CRISPLD2: variants seen among roughly 807,000 people sequenced by gnomAD.
The protein encoded by CRISPLD2 is cysteine rich secretory protein LCCL domain containing 2.
Under a neutral mutation model 71.1 loss-of-function variants are expected in CRISPLD2, and 47 were observed. The ratio of observed to expected loss-of-function variants is 0.66; its 90% confidence interval spans 0.52 to 0.84. The LOEUF (loss-of-function observed/expected upper bound fraction) is 0.84, where lower values mean the gene tolerates loss of function less well. Ranked by LOEUF, CRISPLD2 falls within the 40% of genes least tolerant of loss-of-function variation. The probability of loss-of-function intolerance (pLI) is 0.00; values close to 1 mark genes in which losing one functional copy is unlikely to be tolerated. For missense variants in CRISPLD2, 830 were observed against 651.1 expected (o/e 1.27, Z -2.99); for synonymous variants, 317 against 250.1 (o/e 1.27, Z -2.52).
intron 14 of CRISPLD2, among the ~76,000 whole-genome samples, chr16:84,902,358 C>G (rs1567708107): frequency 6.6e-6 from 1 of 151,810 alleles, no homozygotes; most frequent in Non-Finnish European, 1.5e-5. Flanking sequence ...GCCTGTAATT[C>G]CAGCACTTTG....
At chr16:84,838,956 G>A (rs1011906606) in intron 2 of CRISPLD2, 4 of 701,648 alleles carry the variant, frequency 5.7e-6, no homozygotes, top group South Asian at 3.0e-5. Flanking sequence ...TGGCACAATC[G>A]TCATGCCCTG....
chr16:84,899,228 G>A (rs986505482), intron 14 of CRISPLD2, among the ~76,000 whole-genome samples: 5 of 152,070 alleles, frequency 3.3e-5, no homozygotes, highest in African/African-American at 1.2e-4. Flanking sequence ...GTTGTTTAGT[G>A]CTCTTTATGA....
intron 3 of CRISPLD2, among the ~76,000 whole-genome samples, chr16:84,846,530 A>G (rs1916919076): frequency 6.6e-6 from 1 of 152,182 alleles, no homozygotes; most frequent in African/African-American, 2.4e-5. Flanking sequence ...CGGGGATTAC[A>G]GGCATGAGCC....
chr16:84,827,660 G>C (rs1480218632), intron 1 of CRISPLD2, among the ~76,000 whole-genome samples: 1 of 150,252 alleles, frequency 6.7e-6, no homozygotes, highest in Non-Finnish European at 1.5e-5. Flanking sequence ...TTCACCTCCC[G>C]GATTCAAGCG....
rs370977769 is a variant in CRISPLD2, at chr16:84,902,853, A to C, written c.1440-3735A>C. Among the ~76,000 whole-genome samples, 4 of 136,314 alleles carry C rather than the reference A, an allele frequency of 2.9e-5. No individual in the cohort carries two copies. In the East Asian group the frequency reaches 7.8e-4, roughly 27 times the overall value. 89.4% of individuals were successfully genotyped at this position (136,314 alleles called of 152,430 possible). ...CAGTGGCGTGATCTCGCTCACCGCA[A>C]CCTCCACCTCCTGGGTTCAAGCGAT... On this transcript the variant is annotated intron_variant, in intron 14 of 14. Coordinates refer to ENST00000262424, the MANE Select transcript of CRISPLD2 (RefSeq NM_031476.4).
At chr16:84,892,569 C>A (rs953281063) in intron 14 of CRISPLD2, among the ~76,000 whole-genome samples, 1 of 152,134 alleles carries the variant, frequency 6.6e-6, no homozygotes, top group Non-Finnish European at 1.5e-5. Context: ...GGTGGGTGCT[C>A]ACTGAGACCT....
At chr16:84,840,790 C>T (rs1413680153) in intron 2 of CRISPLD2, among the ~76,000 whole-genome samples, 4 of 152,176 alleles carry the variant, frequency 2.6e-5, no homozygotes, top group Non-Finnish European at 5.9e-5. Flanking sequence ...GATCCACCCA[C>T]CTCAGCCTCC....
chr16:84,852,275 C>A (rs555800200), intron 5 of CRISPLD2, among the ~76,000 whole-genome samples: 13 of 152,320 alleles, frequency 8.5e-5, no homozygotes, highest in African/African-American at 2.6e-4. Flanking sequence ...TAATGAAAGT[C>A]CACGGCAATA....
rs569725982 is a variant in CRISPLD2 at position 84,867,002 on chromosome 16, C to G, written c.815C>G (p.Pro272Arg). The G allele has an allele frequency of 8.1e-6, 13 of 1,614,018 alleles. No individual in the cohort carries two copies. The highest frequency in any genetic ancestry group is 7.7e-5 in the South Asian group (7 of 91,072). ...TGGCTCCAACCGAGGGTGATGAGAC[C>G]CACCAAGCCCAAGAAAACCTCTGCG... The part of the protein sequence containing the change: ...HVWLQPRVMR[P>R]TKPKKTSAVN... Residue 272 changes from proline (P) to arginine (R), a missense_variant, in exon 7 of 15, where the codon CCC becomes CGC. By Grantham distance (103) the Pro-to-Arg change is moderately radical. Coordinates refer to ENST00000262424, the MANE Select transcript of CRISPLD2 (RefSeq NM_031476.4).
Position 84,838,750 on chromosome 16 carries a change from C to A in CRISPLD2, c.240+15C>A. 1 of 1,606,744 alleles carries A rather than the reference C, an allele frequency of 6.2e-7. No individual in the cohort carries two copies. The highest frequency in any genetic ancestry group is 8.5e-7 in the Non-Finnish European group (1 of 1,178,472). On this transcript the variant is annotated intron_variant, in intron 2 of 14. Transcript: ENST00000262424. Reference sequence around the variant, plus strand: ...TGGAGTACATGGTGAGCGCCGGCTCCGGCCGCAGAGGCTGGCACCGGGGGT... The same window carrying A: ...TGGAGTACATGGTGAGCGCCGGCTCAGGCCGCAGAGGCTGGCACCGGGGGT...
chr16:84,872,358 C>A, intron 8 of CRISPLD2, 84 bp from the exon 9 acceptor site: 1 of 1,095,736 alleles, frequency 9.1e-7, no homozygotes, highest in Non-Finnish European at 1.4e-6. Flanking sequence ...GTAATAGAGC[C>A]ATCGATGAAA....
intron 8 of CRISPLD2, among the ~76,000 whole-genome samples, chr16:84,869,750 G>A (rs75348209): frequency 0.017 from 2,595 of 152,384 alleles, 84 homozygotes; most frequent in African/African-American, 0.06. Flanking sequence ...AGGGGCCTCC[G>A]CCGTGTGCAC....
At chr16:84,845,751 T>C in intron 2 of CRISPLD2, 35 bp from the exon 3 acceptor site, 1 of 1,454,992 alleles carries the variant, frequency 6.9e-7, no homozygotes, top group Non-Finnish European at 9.6e-7. Context: ...TCCCTCACCC[T>C]CACCTCCTGG....
intron 12 of CRISPLD2, among the ~76,000 whole-genome samples, chr16:84,878,912 C>T (rs79781065): frequency 1.0e-3 from 154 of 152,288 alleles, no homozygotes; most frequent in Non-Finnish European, 1.7e-3. Flanking sequence ...GTCCCAGGAC[C>T]CTGGGTTGAA....
intron 14 of CRISPLD2, among the ~76,000 whole-genome samples, chr16:84,905,854 C>T (rs1209224302): frequency 6.6e-6 from 1 of 151,502 alleles, no homozygotes; most frequent in Non-Finnish European, 1.5e-5. Context: ...GGATTACAGG[C>T]GCCTGCCACC....
In CRISPLD2 at chr16:84,849,233, C is replaced by T. The variant is rs955070161; in HGVS notation, c.360-152C>T. ...GGGGGCTATTCCGCCTCCTCGGCCTCCCTCCCTCCCGGCTGCCCGTGGCTG... is the reference window on the plus strand; with the variant it reads ...GGGGGCTATTCCGCCTCCTCGGCCTTCCTCCCTCCCGGCTGCCCGTGGCTG... On this transcript the variant is annotated intron_variant, in intron 3 of 14. Coordinates refer to ENST00000262424, the MANE Select transcript of CRISPLD2 (RefSeq NM_031476.4). 6.7e-6 allele frequency: 5 copies of T among 750,726 alleles called. No homozygotes were observed. In the African/African-American group the frequency reaches 6.8e-5, roughly 10 times the overall value. 46.5% of individuals were successfully genotyped at this position (750,726 alleles called of 1,614,324 possible). A position where few individuals can be genotyped will look rare whatever the true frequency, so the allele number is the denominator to read the frequency against.
Position 84,838,381 on chromosome 16 carries a change from T to C in CRISPLD2, c.-74-41T>C, listed in dbSNP as rs534934282. On this transcript the variant is annotated intron_variant, in intron 1 of 14. Coordinates refer to ENST00000262424, the MANE Select transcript of CRISPLD2 (RefSeq NM_031476.4). ...TCCAGCCAGCGCTGTGACCGGCTCC[T>C]ACTAATGCGACTTCTCCCACCACCC... The C allele has an allele frequency of 1.9e-5, 24 of 1,296,754 alleles. 1 individual carries two copies. The South Asian group carries it at 2.7e-4, about 15-fold the overall frequency. The allele number at this position is 1,296,754 out of a possible 1,614,324, so 80.3% of individuals were successfully genotyped here. A position where few individuals can be genotyped will look rare whatever the true frequency, so the allele number is the denominator to read the frequency against.
intron 3 of CRISPLD2, among the ~76,000 whole-genome samples, chr16:84,848,120 C>T (rs575131076): frequency 2.0e-5 from 3 of 152,328 alleles, no homozygotes; most frequent in East Asian, 3.9e-4. Context: ...CATGGCCCCC[C>T]GGGGCAGCCG....
Position 84,872,975 on chromosome 16 carries a change from T to C in CRISPLD2, c.982-17T>C, listed in dbSNP as rs113335623. On this transcript the variant is annotated splice_polypyrimidine_tract_variant and intron_variant, in intron 9 of 14. Coordinates refer to ENST00000262424, the MANE Select transcript of CRISPLD2 (RefSeq NM_031476.4). ...GGTTGAGAATGTGCCTCTGGTCTTC[T>C]CTTCCCTTCCCGCCAGTCGTCTAGC... 1.6e-5 allele frequency: 26 copies of C among 1,599,816 alleles called. No individual in the cohort carries two copies. Among genetic ancestry groups the C allele is most frequent in the African/African-American group, 1.6e-4 (12 of 74,274 alleles).
Sources: allele counts gnomAD v4.1 joint callset (sites outside exome capture counted in the v4.1 genomes callset), GRCh38; gene constraint gnomAD v4.1.1; transcripts MANE v1.5; gene names NCBI Gene and HGNC (gene_info 2026-07-23, HGNC 2026-07-21).